The following KCNT1 variants were observed in gnomAD, a reference collection of about 807,000 sequenced individuals.
KCNT1 encodes potassium sodium-activated channel subfamily T member 1.
A neutral mutation model predicts 147.8 loss-of-function variants in KCNT1; 78 were observed. The observed-to-expected ratio is 0.53, with a 90% CI of 0.44 to 0.64. The LOEUF is 0.64. Ranked by LOEUF, KCNT1 falls within the 30% of genes least tolerant of loss-of-function variation. The pLI, the probability that KCNT1 is intolerant of heterozygous loss-of-function variation, is 0.00. For missense variants in KCNT1, 1,419 were observed against 1,750.3 expected (o/e 0.81, Z 3.38); for synonymous variants, 867 against 748.8 (o/e 1.16, Z -2.58).
chr9:135,727,330 T>C (rs1414200440), intron 2 of KCNT1, among the ~76,000 whole-genome samples: 1 of 115,246 alleles, frequency 8.7e-6, no homozygotes, highest in Admixed American at 9.2e-5. Flanking sequence ...TCCCCCTCTC[T>C]CCCTCCCTCT....
At position 135,714,768 on chromosome 9, in the gene KCNT1, G is replaced by T; in HGVS notation, c.254+48G>T. ...GGGCTGGGGTCGCCGTCCCGGCGCC[G>T]CCGCACGCCCGGAGCTGTCCGCGGT... On this transcript the variant is annotated intron_variant, in intron 2 of 30. Transcript: ENST00000371757. The surrounding 1 kb of genome is among the most constrained non-coding windows in gnomAD (Gnocchi z 6.2). The T allele has an allele frequency of 8.5e-7, 1 of 1,181,256 alleles. No homozygotes were observed. The allele number at this position is 1,181,256 out of a possible 1,614,324, so 73.2% of individuals were successfully genotyped here.
chr9:135,756,303 A>C (rs1831476572), intron 6 of KCNT1, among the ~76,000 whole-genome samples: 1 of 152,006 alleles, frequency 6.6e-6, no homozygotes, highest in East Asian at 1.9e-4. Context: ...TCACCACCTG[A>C]ATCTCTCCCT....
intron 2 of KCNT1, among the ~76,000 whole-genome samples, chr9:135,720,002 G>A (rs1835862408): frequency 6.6e-6 from 1 of 152,148 alleles, no homozygotes; most frequent in Non-Finnish European, 1.5e-5. Flanking sequence ...GCTGAGAAGT[G>A]GACCACAAAC....
At chr9:135,773,505 A>G (rs1162321803) in intron 19 of KCNT1, among the ~76,000 whole-genome samples, 1 of 152,224 alleles carries the variant, frequency 6.6e-6, no homozygotes, top group Non-Finnish European at 1.5e-5. Context: ...GCAGTGTCCC[A>G]GCCTGGAAAC....
intron 19 of KCNT1, among the ~76,000 whole-genome samples, chr9:135,773,175 T>C (rs1263279439): frequency 6.6e-6 from 1 of 152,148 alleles, no homozygotes; most frequent in Non-Finnish European, 1.5e-5. Context: ...GTCACTGAGA[T>C]GGGGTGTGCT....
chr9:135,771,199 C>T (rs1832736118), intron 18 of KCNT1, 104 bp downstream of exon 18: 9 of 1,080,670 alleles, frequency 8.3e-6, no homozygotes, highest in Non-Finnish European at 1.1e-5. Context: ...CCAGGCAGGA[C>T]AGGGGGAGGT....
intron 10 of KCNT1, 160 bp from the exon 11 acceptor site, chr9:135,759,519 G>A: frequency 3.1e-6 from 2 of 655,120 alleles, no homozygotes; most frequent in East Asian, 3.3e-5. Context: ...CAGGGCTGAG[G>A]GCCTGATGCC....
At position 135,728,354 on chromosome 9, in the gene KCNT1, A is replaced by C. The variant is rs942409055; in HGVS notation, c.254+13634A>C. ...AATCGCATAATTGTTTGGAGGGAGA[A>C]CATCGGGGCAGATTCACCTGGTTTC... On this transcript the variant is annotated intron_variant, in intron 2 of 30. Coordinates refer to ENST00000371757, the MANE Select transcript of KCNT1 (RefSeq NM_020822.3). 6.6e-5 allele frequency among the ~76,000 whole-genome samples: 10 copies of C among 152,352 alleles called. 1 individual carries two copies. Among genetic ancestry groups the C allele is most frequent in the Admixed American group, 5.2e-4 (8 of 15,314 alleles).
At chr9:135,765,586 G>A in intron 12 of KCNT1, 38 bp from the exon 13 acceptor site, 1 of 1,585,980 alleles carries the variant, frequency 6.3e-7, no homozygotes, top group Non-Finnish European at 8.6e-7. Flanking sequence ...CGGGGCAGGG[G>A]CTGGCTCAGA....
chr9:135,706,234 T>G (rs543302331), intron 1 of KCNT1, among the ~76,000 whole-genome samples: 2 of 152,344 alleles, frequency 1.3e-5, no homozygotes, highest in South Asian at 4.1e-4. Context: ...AAAGCTGTGT[T>G]GGCGTCGGGA....
At chr9:135,735,595 T>A (rs546184507) in intron 2 of KCNT1, among the ~76,000 whole-genome samples, 1 of 152,088 alleles carries the variant, frequency 6.6e-6, no homozygotes, top group South Asian at 2.1e-4. Flanking sequence ...TGGTGTGAGT[T>A]TGGGGCGGGC....
At chr9:135,743,385 G>A (rs1394617126) in intron 2 of KCNT1, among the ~76,000 whole-genome samples, 2 of 152,196 alleles carry the variant, frequency 1.3e-5, no homozygotes, top group Non-Finnish European at 2.9e-5. Flanking sequence ...CTCCAGGAGG[G>A]GCCCCAGGCT....
chr9:135,711,428 G>A lies in KCNT1; in HGVS notation c.111-3149G>A, dbSNP rs190633037. 3.8e-4 allele frequency among the ~76,000 whole-genome samples: 58 copies of A among 152,348 alleles called. No homozygotes were observed. In the Middle Eastern group the frequency reaches 0.014, roughly 36 times the overall value. On this transcript the variant is annotated intron_variant, in intron 1 of 30. Transcript: ENST00000371757. ...GTGCCTCTGCCGGGACCTCAGTGAC[G>A]CTCCTTGGGCTCTGGGAGCCACTTG...
intron 12 of KCNT1, among the ~76,000 whole-genome samples, chr9:135,765,406 A>C (rs1832196629): frequency 6.6e-6 from 1 of 152,010 alleles, no homozygotes; most frequent in African/African-American, 2.4e-5. Context: ...CAAGTCCCTG[A>C]GTCCTCTCAG....
intron 3 of KCNT1, chr9:135,750,599 T>C: frequency 2.4e-6 from 1 of 412,176 alleles, no homozygotes; most frequent in South Asian, 2.7e-5. Context: ...CCCCCCGGGA[T>C]TGCAGGTGAG....
intron 7 of KCNT1, 70 bp downstream of exon 7, chr9:135,757,002 C>CA: frequency 9.9e-7 from 1 of 1,006,474 alleles, no homozygotes; most frequent in Non-Finnish European, 1.4e-6. Flanking sequence ...GCCTCCCCCA[C>CA]CTCCCCCACC....
Position 135,714,414 on chromosome 9 carries a change from C to T in KCNT1, c.111-163C>T, listed in dbSNP as rs916096810. 2 of 203,556 alleles carry T rather than the reference C, an allele frequency of 9.8e-6. No homozygotes were observed. The highest frequency in any genetic ancestry group is 2.4e-5 in the African/African-American group (1 of 41,894). 12.6% of individuals were successfully genotyped at this position (203,556 alleles called of 1,614,324 possible). On this transcript the variant is annotated intron_variant, in intron 1 of 30. Coordinates refer to ENST00000371757, the MANE Select transcript of KCNT1 (RefSeq NM_020822.3). This position sits in a 1 kb window ranked among gnomAD's most constrained non-coding sequence, Gnocchi z 6.2. Reference sequence around the variant, plus strand: ...GCGCAGCCGGTCCCGCGCGCCCCCGCCCGCATGTGCCGCCAGGCCCGCCCC... The same window carrying T: ...GCGCAGCCGGTCCCGCGCGCCCCCGTCCGCATGTGCCGCCAGGCCCGCCCC...
chr9:135,726,533 C>T (rs1321883760), intron 2 of KCNT1, among the ~76,000 whole-genome samples: 3 of 152,098 alleles, frequency 2.0e-5, no homozygotes, highest in South Asian at 2.1e-4. Context: ...GAGGGTAAAG[C>T]GAGGCACCCC....
At chr9:135,742,999 C>G (rs1036718165) in intron 2 of KCNT1, among the ~76,000 whole-genome samples, 4 of 152,158 alleles carry the variant, frequency 2.6e-5, no homozygotes, top group African/African-American at 7.2e-5. Flanking sequence ...ACAGGACAGT[C>G]AGTGTGCCCC....
Sources: allele counts gnomAD v4.1 joint callset (sites outside exome capture counted in the v4.1 genomes callset), GRCh38; gene constraint gnomAD v4.1.1; non-coding constraint Gnocchi (gnomAD v3.1); transcripts MANE v1.5; gene names NCBI Gene and HGNC (gene_info 2026-07-23, HGNC 2026-07-21).